RAPGEF1: variants seen among roughly 807,000 people sequenced by gnomAD.
RAPGEF1 encodes CRK SH3-binding GNRP.
A neutral mutation model predicts 143.3 loss-of-function variants in RAPGEF1; 33 were observed. The ratio of observed to expected loss-of-function variants is 0.23; its 90% confidence interval spans 0.17 to 0.31. The LOEUF (loss-of-function observed/expected upper bound fraction) is 0.31, where lower values mean the gene tolerates loss of function less well. Among genes scored for constraint, RAPGEF1 ranks in the 10% least tolerant of loss-of-function variants. RAPGEF1 has a pLI of 1.00. For missense variants in RAPGEF1, 1,199 were observed against 1,645.4 expected (o/e 0.73, Z 4.69); for synonymous variants, 629 against 676.5 (o/e 0.93, Z 1.09).
chr9:131,642,709 G>A, intron 4 of RAPGEF1, among the ~76,000 whole-genome samples: 1 of 152,180 alleles, frequency 6.6e-6, no homozygotes, highest in Non-Finnish European at 1.5e-5. Flanking sequence ...CCAGGCTGCT[G>A]TGTAACCCCC....
At chr9:131,731,884 C>T (rs959273361) in intron 1 of RAPGEF1, among the ~76,000 whole-genome samples, 4 of 152,184 alleles carry the variant, frequency 2.6e-5, no homozygotes, top group African/African-American at 9.7e-5. Flanking sequence ...TTACAGGAGT[C>T]GTGGTGTTCC....
At position 131,592,286 on chromosome 9, in the gene RAPGEF1, T is replaced by C. The variant is rs115999324; in HGVS notation, c.2690-103A>G. ...CTTGCTCTGAGAGAGGCAGGGGAGA[T>C]GGCACGGGGAGTGGGATGGGCGAGG... On this transcript the variant is annotated intron_variant, in intron 17 of 26. Coordinates refer to ENST00000683357, the MANE Select transcript of RAPGEF1 (RefSeq NM_001377935.1). The C allele has an allele frequency of 4.3e-3, 3,815 of 893,202 alleles. 105 individuals are homozygous for C. In the African/African-American group the frequency reaches 0.055, roughly 13 times the overall value. 55.3% of individuals were successfully genotyped at this position (893,202 alleles called of 1,614,324 possible).
chr9:131,595,759 G>GC (rs1955163387), intron 17 of RAPGEF1, among the ~76,000 whole-genome samples: 1 of 152,154 alleles, frequency 6.6e-6, no homozygotes, highest in Non-Finnish European at 1.5e-5. Flanking sequence ...TGCTTTTCCA[G>GC]CCCTCTCAAT....
intron 1 of RAPGEF1, among the ~76,000 whole-genome samples, chr9:131,729,604 GT>G (rs1836893934): frequency 6.6e-6 from 1 of 152,206 alleles, no homozygotes; most frequent in South Asian, 2.1e-4. Flanking sequence ...GGCAGTGGTG[GT>G]GCCGGCAAGT....
Position 131,650,578 on chromosome 9 carries a change from A to C in RAPGEF1, c.201+232T>G, listed in dbSNP as rs578005215. Among the ~76,000 whole-genome samples, 1 of 152,316 alleles carries C rather than the reference A, an allele frequency of 6.6e-6. No individual in the cohort carries two copies. Among genetic ancestry groups the C allele is most frequent in the East Asian group, 1.9e-4 (1 of 5,182 alleles). On this transcript the variant is annotated intron_variant, in intron 2 of 26. Coordinates refer to ENST00000683357, the MANE Select transcript of RAPGEF1 (RefSeq NM_001377935.1). The surrounding 1 kb of genome is among the most constrained non-coding windows in gnomAD (Gnocchi z 4.7). ...CTGTTTTAAATGCCCAGAGGATGAC[A>C]CAGCTGGAAAAGGAGAACTGTCTTA...
At chr9:131,642,026 C>A (rs1968152793) in intron 4 of RAPGEF1, among the ~76,000 whole-genome samples, 1 of 152,188 alleles carries the variant, frequency 6.6e-6, no homozygotes. Context: ...GGAATTGCGA[C>A]AGAGAAGCAT....
chr9:131,648,360 C>T (rs1226556539), intron 3 of RAPGEF1, among the ~76,000 whole-genome samples: 1 of 152,174 alleles, frequency 6.6e-6, no homozygotes. Context: ...CACTGCACTC[C>T]AGCCTGGGCG....
At chr9:131,608,186 G>A (rs1000889338) in intron 12 of RAPGEF1, among the ~76,000 whole-genome samples, 5 of 152,196 alleles carry the variant, frequency 3.3e-5, no homozygotes, top group African/African-American at 1.2e-4. Flanking sequence ...TCCGCGAGAC[G>A]CAGAGCGCTG....
intron 21 of RAPGEF1, 22 bp downstream of exon 21, chr9:131,587,920 C>T (rs1293609180): frequency 5.0e-6 from 8 of 1,603,962 alleles, no homozygotes; most frequent in Non-Finnish European, 6.8e-6. Flanking sequence ...GTGTGGCTCC[C>T]CCTGGCAGGA....
In RAPGEF1 at chr9:131,654,601, C is replaced by T. The variant is rs569561078; in HGVS notation, c.62-3652G>A. Among the ~76,000 whole-genome samples the T allele has an allele frequency of 3.0e-4, 46 of 152,292 alleles. 1 individual carries two copies. Among genetic ancestry groups the T allele is most frequent in the Admixed American group, 1.1e-3 (17 of 15,304 alleles). On this transcript the variant is annotated intron_variant, in intron 1 of 26. Coordinates refer to ENST00000683357, the MANE Select transcript of RAPGEF1 (RefSeq NM_001377935.1). ...CCTGTAGTCCCAGCTACTCAGGAGGCTGAGGTGGGAGGACTGCTTGAGCCC... is the reference window on the plus strand; with the variant it reads ...CCTGTAGTCCCAGCTACTCAGGAGGTTGAGGTGGGAGGACTGCTTGAGCCC...
chr9:131,685,036 A>T (rs1257849079), intron 1 of RAPGEF1, among the ~76,000 whole-genome samples: 1 of 152,250 alleles, frequency 6.6e-6, no homozygotes, highest in Admixed American at 6.5e-5. Flanking sequence ...GGTAGCTATG[A>T]TAGAGGTTAT....
chr9:131,653,297 T>G (rs1971579378), intron 1 of RAPGEF1, among the ~76,000 whole-genome samples: 1 of 152,244 alleles, frequency 6.6e-6, no homozygotes, highest in African/African-American at 2.4e-5. Flanking sequence ...TATACTTTAT[T>G]TTAAAATCTG....
At chr9:131,588,090 G>A (rs1953491604) in intron 20 of RAPGEF1, 64 bp from the exon 21 acceptor site, 3 of 1,384,576 alleles carry the variant, frequency 2.2e-6, no homozygotes, top group South Asian at 2.4e-5. Flanking sequence ...GGGCTGAGCA[G>A]GCCCGGGCTG....
intron 18 of RAPGEF1, among the ~76,000 whole-genome samples, chr9:131,590,530 G>C (rs965324056): frequency 1.8e-4 from 27 of 152,194 alleles, no homozygotes; most frequent in Admixed American, 1.4e-3. Context: ...CCTGTCTCCA[G>C]GGCAGCACTT....
chr9:131,706,452 TG>T (rs1248787285), intron 1 of RAPGEF1, among the ~76,000 whole-genome samples: 1 of 152,048 alleles, frequency 6.6e-6, no homozygotes, highest in Non-Finnish European at 1.5e-5. Flanking sequence ...TTGGTAGAGA[TG>T]GGGTTTCGCC....
At chr9:131,653,135 C>CA (rs1971528993) in intron 1 of RAPGEF1, among the ~76,000 whole-genome samples, 1 of 152,164 alleles carries the variant, frequency 6.6e-6, no homozygotes, top group Non-Finnish European at 1.5e-5. Flanking sequence ...GGCTTGGTTC[C>CA]AGGATCCTCT....
chr9:131,587,655 C>T (rs935767244), intron 22 of RAPGEF1, 81 bp downstream of exon 22: 3 of 1,305,538 alleles, frequency 2.3e-6, no homozygotes, highest in Non-Finnish European at 3.3e-6. Flanking sequence ...ACCATTCAAG[C>T]TCCCTGCAAA....
chr9:131,658,149 G>T (rs1225718161), intron 1 of RAPGEF1, among the ~76,000 whole-genome samples: 1 of 152,172 alleles, frequency 6.6e-6, no homozygotes, highest in Non-Finnish European at 1.5e-5. Context: ...AGAGCAGAAC[G>T]GCTGGATTGT....
At chr9:131,660,630 G>C (rs7871214) in intron 1 of RAPGEF1, among the ~76,000 whole-genome samples, 8 of 152,004 alleles carry the variant, frequency 5.3e-5, no homozygotes, top group Non-Finnish European at 2.9e-5. Context: ...GCCTGTCTGC[G>C]CCCTTGTATG....
Sources: gnomAD v4.1 joint callset for allele counts (sites outside exome capture counted in the v4.1 genomes callset) on GRCh38, gnomAD v4.1.1 for gene constraint, Gnocchi (gnomAD v3.1) non-coding constraint, MANE v1.5 for transcripts, NCBI Gene and HGNC (gene_info 2026-07-23, HGNC 2026-07-21) for gene names.